UNC5C: variants seen among roughly 807,000 people sequenced by gnomAD.
The protein encoded by UNC5C is unc-5 netrin receptor C.
Under a neutral mutation model 99.8 loss-of-function variants are expected in UNC5C, and 47 were observed. The ratio of observed to expected loss-of-function variants is 0.47; its 90% confidence interval spans 0.37 to 0.60. The LOEUF (loss-of-function observed/expected upper bound fraction) is 0.60, where lower values mean the gene tolerates loss of function less well. UNC5C is among the 20% of genes least tolerant of loss of function. The pLI, the probability that UNC5C is intolerant of heterozygous loss-of-function variation, is 0.00. For missense variants in UNC5C, 1,062 were observed against 1,165.9 expected (o/e 0.91, Z 1.30); for synonymous variants, 487 against 452.2 (o/e 1.08, Z -0.98).
chr4:95,480,153 C>A (rs1721090842), intron 1 of UNC5C, among the ~76,000 whole-genome samples: 1 of 151,220 alleles, frequency 6.6e-6, no homozygotes, highest in South Asian at 2.1e-4. Flanking sequence ...CTGTCTGAGC[C>A]AATTCCTTAT....
chr4:95,471,923 C>T (rs1747981895), intron 1 of UNC5C, among the ~76,000 whole-genome samples: 1 of 151,922 alleles, frequency 6.6e-6, no homozygotes, highest in Non-Finnish European at 1.5e-5. Context: ...GTATTTTAGG[C>T]CTCAAGTGTC....
rs1735802769 is a variant in UNC5C at position 95,164,887 on chromosome 4, T to TA, written c.*4346_*4347insT. On this transcript the variant is annotated 3_prime_UTR_variant, in exon 16 of 16. Transcript: ENST00000453304. ...AACAAGTAAACCTTTTCTACCTTCT[T>TA]TATGCTCTCTTGCAAGTCCTTATAT... 1 of 152,284 alleles carries TA rather than the reference T, an allele frequency of 6.6e-6. No individual in the cohort carries two copies. Among genetic ancestry groups the TA allele is most frequent in the African/African-American group, 2.4e-5 (1 of 41,474 alleles). 9.4% of individuals were successfully genotyped at this position (152,284 alleles called of 1,614,324 possible).
rs1027570154 is a variant in UNC5C at position 95,166,655 on chromosome 4, A to G, written c.*2579T>C. The G allele has an allele frequency of 1.3e-5, 2 of 152,206 alleles. No individual in the cohort carries two copies. The highest frequency in any genetic ancestry group is 4.8e-5 in the African/African-American group (2 of 41,452). The allele number at this position is 152,206 out of a possible 1,614,324, so 9.4% of individuals were successfully genotyped here. A position where few individuals can be genotyped will look rare whatever the true frequency, so the allele number is the denominator to read the frequency against. On this transcript the variant is annotated 3_prime_UTR_variant, in exon 16 of 16. Coordinates refer to ENST00000453304, the MANE Select transcript of UNC5C (RefSeq NM_003728.4). ...CTCCCCTCTAGTTTTCACTAGGCAT[A>G]GAAGTTTCTTTGACCATTCAGTTCA...
chr4:95,463,556 C>T (rs1438083856), intron 1 of UNC5C, among the ~76,000 whole-genome samples: 2 of 151,896 alleles, frequency 1.3e-5, no homozygotes, highest in East Asian at 3.9e-4. Flanking sequence ...AAACATCTTC[C>T]TAGTAAAAAT....
At chr4:95,301,530 G>T in intron 3 of UNC5C, 76 bp downstream of exon 3, 1 of 1,591,936 alleles carries the variant, frequency 6.3e-7, no homozygotes, top group South Asian at 1.1e-5. Context: ...TTTGGTGCTG[G>T]AGTAGTCACA....
At chr4:95,541,612 T>TATA (rs1268980878) in intron 1 of UNC5C, among the ~76,000 whole-genome samples, 1 of 152,164 alleles carries the variant, frequency 6.6e-6, no homozygotes, top group East Asian at 1.9e-4. Flanking sequence ...TGCTGTGCTT[T>TATA]ACTTCTGTAC....
chr4:95,281,929 C>A (rs1741073923), intron 3 of UNC5C, among the ~76,000 whole-genome samples: 1 of 152,118 alleles, frequency 6.6e-6, no homozygotes. Flanking sequence ...CTGCTAGAGA[C>A]CATTAGAACC....
At chr4:95,432,699 G>T (rs565147326) in intron 1 of UNC5C, among the ~76,000 whole-genome samples, 131 of 152,184 alleles carry the variant, frequency 8.6e-4, no homozygotes, top group Middle Eastern at 6.8e-3. Context: ...ATTTAATAAA[G>T]AAACTCTGTC....
chr4:95,298,084 G>A (rs762266055), intron 3 of UNC5C, among the ~76,000 whole-genome samples: 91 of 152,322 alleles, frequency 6.0e-4, no homozygotes, highest in South Asian at 2.1e-3. Context: ...TGAAGTGGGC[G>A]AAATCGCTTG....
intron 14 of UNC5C, 39 bp downstream of exon 14, chr4:95,182,858 G>T (rs199890913): frequency 2.5e-6 from 4 of 1,583,594 alleles, no homozygotes; most frequent in Non-Finnish European, 3.5e-6. Flanking sequence ...CCTGAGTGTC[G>T]CACTCTCCCC....
chr4:95,261,762 G>A (rs1289771586), intron 4 of UNC5C, among the ~76,000 whole-genome samples: 1 of 150,628 alleles, frequency 6.6e-6, no homozygotes, highest in African/African-American at 2.5e-5. Flanking sequence ...GGAGTGCGGT[G>A]GCGCGATCTC....
At chr4:95,201,774 T>G (rs1314325021) in intron 12 of UNC5C, among the ~76,000 whole-genome samples, 1 of 152,134 alleles carries the variant, frequency 6.6e-6, no homozygotes, top group Non-Finnish European at 1.5e-5. Flanking sequence ...CGGCTAATTT[T>G]TTTGTATTTT....
At chr4:95,249,160 G>A (rs1289473349) in intron 5 of UNC5C, among the ~76,000 whole-genome samples, 1 of 152,150 alleles carries the variant, frequency 6.6e-6, no homozygotes, top group African/African-American at 2.4e-5. Flanking sequence ...TATCCTATGT[G>A]TGCAGTAGGC....
chr4:95,536,345 G>A lies in UNC5C; in HGVS notation c.124+12389C>T, dbSNP rs144434444. Among the ~76,000 whole-genome samples the A allele has an allele frequency of 7.4e-3, 1,129 of 152,140 alleles. 13 individuals are homozygous for A. Among genetic ancestry groups the A allele is most frequent in the African/African-American group, 0.026 (1,073 of 41,516 alleles). On this transcript the variant is annotated intron_variant, in intron 1 of 15. Coordinates refer to ENST00000453304, the MANE Select transcript of UNC5C (RefSeq NM_003728.4). ...CCGGCCTTGGCCTCCCAAAGTGCTA[G>A]GATTACAGGCATGAGCCATTGCGCC...
rs528525621 is a variant in UNC5C at position 95,266,364 on chromosome 4, G to A, written c.594+11895C>T. ...AGTGAGGTCATTCAATTCTACTGAC[G>A]CCTTCAGTCTGGTACAGTGTTCTCA... On this transcript the variant is annotated intron_variant, in intron 4 of 15. Transcript: ENST00000453304. Among the ~76,000 whole-genome samples the A allele has an allele frequency of 3.9e-5, 6 of 152,242 alleles. No homozygotes were observed. In the East Asian group the frequency reaches 1.2e-3, roughly 29 times the overall value.
intron 4 of UNC5C, among the ~76,000 whole-genome samples, chr4:95,251,689 A>G (rs1230529086): frequency 6.6e-6 from 1 of 152,162 alleles, no homozygotes; most frequent in African/African-American, 2.4e-5. Flanking sequence ...GGTAACCTTT[A>G]GTGGTAGGGA....
intron 1 of UNC5C, among the ~76,000 whole-genome samples, chr4:95,535,362 A>G (rs1437804074): frequency 6.6e-6 from 1 of 152,148 alleles, no homozygotes; most frequent in African/African-American, 2.4e-5. Context: ...ATGGAATGCA[A>G]TTTTGTCATT....
Position 95,548,786 on chromosome 4 carries a change from C to A in UNC5C, c.72G>T (p.Val24=). The A allele has an allele frequency of 6.2e-7, 1 of 1,613,410 alleles. No homozygotes were observed. Among genetic ancestry groups the A allele is most frequent in the East Asian group, 2.2e-5 (1 of 44,810 alleles). Residue 24 remains valine, a synonymous_variant, in exon 1 of 16, where the codon GTG becomes GTT. Transcript: ENST00000453304. ...LGLGYLLQML[V]LPALALLSAS... ...CGCTGAGCAGGGCCAGGGCAGGTAG[C>A]ACGAGCATTTGCAGCAAGTATCCCA...
chr4:95,466,838 G>C (rs1005196347), intron 1 of UNC5C, among the ~76,000 whole-genome samples: 8 of 152,126 alleles, frequency 5.3e-5, no homozygotes, highest in African/African-American at 1.9e-4. Flanking sequence ...TTGATACGAC[G>C]TCATTTAGCC....
Sources: allele counts gnomAD v4.1 joint callset (sites outside exome capture counted in the v4.1 genomes callset), GRCh38; gene constraint gnomAD v4.1.1; transcripts MANE v1.5; gene names NCBI Gene and HGNC (gene_info 2026-07-23, HGNC 2026-07-21).